Variants in XPO5 observed in about 807,000 individuals in gnomAD.
XPO5 encodes the protein exportin-5.
XPO5 carries 46 observed loss-of-function variants against 160.6 expected under a neutral mutation model. The observed-to-expected ratio is 0.29, with a 90% CI of 0.23 to 0.37. XPO5 has a LOEUF of 0.37. Ranked by LOEUF, XPO5 falls within the 10% of genes least tolerant of loss-of-function variation. The pLI is 1.00. For missense variants in XPO5, 1,090 were observed against 1,463.9 expected, an observed-to-expected ratio of 0.74 and a Z score of 4.17; for synonymous variants, 537 against 519.3, an observed-to-expected ratio of 1.03 and a Z score of -0.46.
chr6:43,543,219 A>T (rs73426770), intron 20 of XPO5, among the ~76,000 whole-genome samples: 111 of 152,300 alleles, frequency 7.3e-4, no homozygotes, highest in African/African-American at 2.6e-3. Flanking sequence ...TTATCCCAGC[A>T]CTTTGGGAGG....
In XPO5 at chr6:43,523,896, C is replaced by T. The variant is rs1561861048; in HGVS notation, c.3587G>A (p.Gly1196Asp). 1 of 1,614,008 alleles carries T rather than the reference C, an allele frequency of 6.2e-7. No homozygotes were observed. The highest frequency in any genetic ancestry group is 8.5e-7 in the Non-Finnish European group (1 of 1,179,892). Residue 1196 changes from glycine (G) to aspartate (D), a missense_variant, in exon 32 of 32, where the codon GGT becomes GAT. Transcript: ENST00000265351. ...LETEVLDNDG[G>D]GLATIFEP ...GGGTTCAAAGATGGTGGCCAGGCCACCCCCATCATTGTCCAGCACCTCCGT... is the reference window on the plus strand; with the variant it reads ...GGGTTCAAAGATGGTGGCCAGGCCATCCCCATCATTGTCCAGCACCTCCGT...
At chr6:43,559,863 T>C (rs1460279889) in intron 11 of XPO5, among the ~76,000 whole-genome samples, 1 of 152,136 alleles carries the variant, frequency 6.6e-6, no homozygotes, top group African/African-American at 2.4e-5. Flanking sequence ...TTGCCTAGGC[T>C]GGAGTGCAGT....
chr6:43,564,439 G>C (rs915773018), intron 8 of XPO5, among the ~76,000 whole-genome samples: 1 of 151,746 alleles, frequency 6.6e-6, no homozygotes, highest in African/African-American at 2.4e-5. Context: ...TGAGGCAGGA[G>C]AATCGCTTGA....
intron 6 of XPO5, among the ~76,000 whole-genome samples, 159 bp from the exon 7 acceptor site, chr6:43,567,513 C>A (rs1278368205): frequency 6.6e-6 from 1 of 152,194 alleles, no homozygotes; most frequent in Non-Finnish European, 1.5e-5. Context: ...ACTTCTCAAA[C>A]AATGACATTC....
At chr6:43,547,398 G>T in intron 19 of XPO5, 1 of 646,064 alleles carries the variant, frequency 1.5e-6, no homozygotes, top group Non-Finnish European at 2.8e-6. Context: ...CCAAAATAAT[G>T]ACTTCATAGA....
At chr6:43,552,318 C>T (rs748633475) in intron 14 of XPO5, among the ~76,000 whole-genome samples, 1 of 152,046 alleles carries the variant, frequency 6.6e-6, no homozygotes, top group Non-Finnish European at 1.5e-5. Context: ...TTAGCCTCCA[C>T]GTGCTAGGAT....
chr6:43,527,760 C>T, intron 25 of XPO5, 29 bp from the exon 26 acceptor site: 1 of 1,611,424 alleles, frequency 6.2e-7, no homozygotes, highest in Non-Finnish European at 8.5e-7. Flanking sequence ...CCAAGTTCCA[C>T]AGGAGTGCAG....
chr6:43,551,417 T>A lies in XPO5; in HGVS notation c.1609A>T (p.Met537Leu). 6.2e-7 allele frequency: 1 copy of A among 1,613,970 alleles called. No homozygotes were observed. The highest frequency in any genetic ancestry group is 8.5e-7 in the Non-Finnish European group (1 of 1,179,870). The stretch of plus-strand genomic sequence containing the variant: ...TCCTTGGTATCAAAGTTCAGAACCA[T>A]CTGCAATAGCTCTATTCCATCATTA... ...PVNDGIELLQ[M>L]VLNFDTKDPL... is the part of the protein sequence containing the mutation. The change falls in exon 15 of 32, where the codon ATG becomes TTG. Residue 537 changes from methionine (M) to leucine (L), a missense_variant. Coordinates refer to ENST00000265351, the MANE Select transcript of XPO5 (RefSeq NM_020750.3).
At chr6:43,555,785 T>C in intron 13 of XPO5, 51 bp downstream of exon 13, 1 of 1,609,350 alleles carries the variant, frequency 6.2e-7, no homozygotes, top group Non-Finnish European at 8.5e-7. Flanking sequence ...TATATATAGT[T>C]TTGATACTGT....
chr6:43,531,673 T>C, intron 21 of XPO5, 98 bp from the exon 22 acceptor site: 1 of 1,012,744 alleles, frequency 9.9e-7, no homozygotes, highest in Non-Finnish European at 1.6e-6. Context: ...GGGGTGAAGA[T>C]GTGTGCATGT....
chr6:43,536,709 A>C (rs1480037410), intron 20 of XPO5, among the ~76,000 whole-genome samples: 2 of 129,034 alleles, frequency 1.5e-5, no homozygotes. Context: ...GCAGTGAGCC[A>C]AGGTCGCGCC....
chr6:43,525,509 C>T (rs1190004255), intron 28 of XPO5: 8 of 491,342 alleles, frequency 1.6e-5, no homozygotes, highest in Non-Finnish European at 2.5e-5. Flanking sequence ...TTGTGTATTG[C>T]CAGTCAAAAA....
chr6:43,537,874 C>T (rs1794433638), intron 20 of XPO5, among the ~76,000 whole-genome samples: 1 of 151,848 alleles, frequency 6.6e-6, no homozygotes, highest in Non-Finnish European at 1.5e-5. Flanking sequence ...TGAGACCAGC[C>T]TGGGTAACAT....
At chr6:43,540,332 A>G (rs1794624873) in intron 20 of XPO5, among the ~76,000 whole-genome samples, 1 of 152,208 alleles carries the variant, frequency 6.6e-6, no homozygotes, top group African/African-American at 2.4e-5. Context: ...ACAAAAAATT[A>G]GCCAGGCGAG....
At chr6:43,567,586 C>G (rs755781128) in intron 6 of XPO5, among the ~76,000 whole-genome samples, 4 of 152,024 alleles carry the variant, frequency 2.6e-5, no homozygotes, top group Non-Finnish European at 4.4e-5. Flanking sequence ...CACAAAACCC[C>G]AAATCTTATC....
At chr6:43,543,645 T>G (rs993352649) in intron 20 of XPO5, among the ~76,000 whole-genome samples, 9 of 152,100 alleles carry the variant, frequency 5.9e-5, no homozygotes, top group African/African-American at 2.2e-4. Flanking sequence ...TCTACATAAA[T>G]GTTACACTTC....
In XPO5 at chr6:43,553,473, C is replaced by T; in HGVS notation, c.1472G>A (p.Ser491Asn). 1 of 1,567,080 alleles carries T rather than the reference C, an allele frequency of 6.4e-7. No homozygotes were observed. Among genetic ancestry groups the T allele is most frequent in the Non-Finnish European group, 8.7e-7 (1 of 1,155,426 alleles). The change falls in exon 14 of 32, where the codon AGC becomes AAC. Residue 491 changes from serine (S) to asparagine (N), a missense_variant. This residue lies in a region of XPO5 where 810 missense variants were observed against 1,139.0 expected (regional missense o/e 0.71). Coordinates refer to ENST00000265351, the MANE Select transcript of XPO5 (RefSeq NM_020750.3). Reference protein sequence around the residue: ...SCSAVGTGEGSLCSVFSPSFV... With the variant: ...SCSAVGTGEGNLCSVFSPSFV... ...TGAAGGTGAGAAGACGGAACAGAGG[C>T]TTCCTTCTCCAGTTCCAACTGCAGA...
At chr6:43,528,693 G>A (rs567032455) in intron 24 of XPO5, 135 bp downstream of exon 24, 1 of 786,662 alleles carries the variant, frequency 1.3e-6, no homozygotes, top group South Asian at 1.6e-5. Flanking sequence ...ATAGTCAGCT[G>A]GGGTAGAAGC....
chr6:43,531,564 G>T lies in XPO5; in HGVS notation c.2455C>A (p.Pro819Thr). The change falls in exon 22 of 32, where the codon CCT becomes ACT. Residue 819 changes from proline to threonine, a missense_variant. Pro to Thr is a conservative substitution (Grantham distance 38). This residue lies in a region of XPO5 where 810 missense variants were observed against 1,139.0 expected (regional missense o/e 0.71). Transcript: ENST00000265351. ...GGAGAGTCATTGAGTTCCAAGAGAG[G>T]TTGAGGTAATCCTACAGGGAAATAC... is the stretch of plus-strand genomic sequence containing the variant. ...EKSAILGLPQ[P>T]LLELNDSPVF... 6.2e-7 allele frequency: 1 copy of T among 1,613,840 alleles called. No homozygotes were observed. Among genetic ancestry groups the T allele is most frequent in the Non-Finnish European group, 8.5e-7 (1 of 1,179,750 alleles).
Sources: allele counts gnomAD v4.1 joint callset (sites outside exome capture counted in the v4.1 genomes callset), GRCh38; gene constraint gnomAD v4.1.1; regional missense constraint gnomAD v4.1.1; transcripts MANE v1.5; gene names NCBI Gene and HGNC (gene_info 2026-07-23, HGNC 2026-07-21).